Variants in FOXN3 observed in about 807,000 individuals in gnomAD.
FOXN3 encodes the protein forkhead box N3.
A neutral mutation model predicts 38.4 loss-of-function variants in FOXN3; 7 were observed. The observed-to-expected ratio is 0.18, with a 90% CI of 0.10 to 0.34. The LOEUF (loss-of-function observed/expected upper bound fraction) is 0.34. Ranked by LOEUF, FOXN3 falls within the 10% of genes least tolerant of loss-of-function variation. The probability of loss-of-function intolerance (pLI) is 1.00; values close to 1 mark genes in which losing one functional copy is unlikely to be tolerated. For synonymous variants in FOXN3, 230 were observed against 242.2 expected (o/e 0.95, Z 0.47); for missense variants, 456 against 613.4 (o/e 0.74, Z 2.71).
At chr14:89,363,997 A>C (rs1890048296) in intron 2 of FOXN3, among the ~76,000 whole-genome samples, 1 of 134,984 alleles carries the variant, frequency 7.4e-6, no homozygotes, top group African/African-American at 3.0e-5. Flanking sequence ...TAATATATAT[A>C]TATATTCTTC....
intron 1 of FOXN3, among the ~76,000 whole-genome samples, chr14:89,514,585 A>T (rs389960): frequency 6.6e-6 from 1 of 152,136 alleles, no homozygotes; most frequent in Non-Finnish European, 1.5e-5. Context: ...GGTCCAAAGA[A>T]GTTGGTCAAG....
intron 4 of FOXN3, among the ~76,000 whole-genome samples, chr14:89,270,514 T>C (rs1359709529): frequency 6.6e-6 from 1 of 152,258 alleles, no homozygotes; most frequent in East Asian, 1.9e-4. Context: ...TACTATCTAT[T>C]TGACTGACTG....
chr14:89,165,801 A>T (rs1443443777), intron 5 of FOXN3, among the ~76,000 whole-genome samples: 1 of 152,282 alleles, frequency 6.6e-6, no homozygotes, highest in Non-Finnish European at 1.5e-5. Flanking sequence ...TGTAAAATAC[A>T]AAAATAATTC....
At chr14:89,525,993 T>C (rs535235874) in intron 1 of FOXN3, among the ~76,000 whole-genome samples, 3 of 149,950 alleles carry the variant, frequency 2.0e-5, no homozygotes, top group East Asian at 1.9e-4. Flanking sequence ...AAATGGACAA[T>C]AGTTAGAACT....
intron 3 of FOXN3, among the ~76,000 whole-genome samples, chr14:89,325,319 C>A (rs1176061984): frequency 3.8e-4 from 29 of 76,350 alleles, no homozygotes; most frequent in African/African-American, 1.4e-3. Flanking sequence ...ACCACGACCA[C>A]CACCACCACC....
At position 89,411,975 on chromosome 14, in the gene FOXN3, A is replaced by G; in HGVS notation, c.502T>C (p.Leu168=). ...TCCACTTTCTTAAAACACTTATTCA[A>G]TGATAAATTGTGTCTCACTGAGTTT... ...WKNSVRHNLS[L]NKCFKKVDKE... Residue 168 remains leucine (L), a synonymous_variant, in exon 2 of 6, where the codon TTG becomes CTG. Transcript: ENST00000557258. 1 of 1,579,124 alleles carries G rather than the reference A, an allele frequency of 6.3e-7. No homozygotes were observed. Among genetic ancestry groups the G allele is most frequent in the South Asian group, 1.2e-5 (1 of 86,818 alleles).
intron 3 of FOXN3, among the ~76,000 whole-genome samples, chr14:89,329,423 G>A (rs1888172563): frequency 6.6e-6 from 1 of 152,300 alleles, no homozygotes; most frequent in African/African-American, 2.4e-5. Context: ...GCTCCCCAGG[G>A]AACATCTGGC....
chr14:89,481,332 G>A (rs1013629935), intron 1 of FOXN3, among the ~76,000 whole-genome samples: 3 of 152,146 alleles, frequency 2.0e-5, no homozygotes, highest in African/African-American at 7.2e-5. Context: ...GCAGGGGACC[G>A]GACGGGAAGT....
intron 1 of FOXN3, among the ~76,000 whole-genome samples, chr14:89,424,334 G>A (rs1891977926): frequency 6.6e-6 from 1 of 152,154 alleles, no homozygotes; most frequent in Non-Finnish European, 1.5e-5. Flanking sequence ...TTGGCAAAGC[G>A]CTTCACAAAA....
intron 1 of FOXN3, among the ~76,000 whole-genome samples, chr14:89,432,605 A>G (rs1173284862): frequency 6.6e-6 from 1 of 152,110 alleles, no homozygotes; most frequent in African/African-American, 2.4e-5. Context: ...GTGAAATGCA[A>G]ACTTAAAGAT....
At chr14:89,543,169 C>T (rs1475658934) in intron 1 of FOXN3, among the ~76,000 whole-genome samples, 10 of 152,164 alleles carry the variant, frequency 6.6e-5, no homozygotes, top group South Asian at 2.1e-4. Flanking sequence ...AAGGCACAGC[C>T]AACAAGTACA....
At chr14:89,480,983 A>G (rs193096383) in intron 1 of FOXN3, among the ~76,000 whole-genome samples, 67 of 151,832 alleles carry the variant, frequency 4.4e-4, no homozygotes, top group Non-Finnish European at 4.0e-4. Context: ...TTGAACACTG[A>G]TTAGGAAGGC....
intron 3 of FOXN3, among the ~76,000 whole-genome samples, chr14:89,334,522 ATGGCTTGAACC>A (rs900610050): frequency 1.4e-4 from 21 of 151,346 alleles, no homozygotes; most frequent in Admixed American, 4.0e-4. Context: ...GAGCAGGAGA[ATGGCTTGAACC>A]TGGGAGGTGG....
chr14:89,476,492 A>G lies in FOXN3; in HGVS notation c.-14-64002T>C, dbSNP rs113047905. Among the ~76,000 whole-genome samples, 491 of 152,346 alleles carry G rather than the reference A, an allele frequency of 3.2e-3. 2 individuals carry two copies. Among genetic ancestry groups the G allele is most frequent in the African/African-American group, 0.011 (465 of 41,586 alleles). Reference sequence around the variant, plus strand: ...ACTGAGGGAGCTATGAGCTTTGAGCATAGTTGAGTTTGGGCTCAAATGACT... The same window carrying G: ...ACTGAGGGAGCTATGAGCTTTGAGCGTAGTTGAGTTTGGGCTCAAATGACT... On this transcript the variant is annotated intron_variant, in intron 1 of 6. Transcript: ENST00000345097.
chr14:89,190,883 A>C (rs1414096759), intron 4 of FOXN3, among the ~76,000 whole-genome samples: 5 of 152,314 alleles, frequency 3.3e-5, no homozygotes, highest in South Asian at 2.1e-4. Context: ...ATCTAGTGAG[A>C]TACAAACAAG....
chr14:89,228,588 G>C lies in FOXN3; in HGVS notation c.746-47782C>G, dbSNP rs1170440285. Among the ~76,000 whole-genome samples the C allele has an allele frequency of 5.3e-5, 8 of 152,280 alleles. No individual in the cohort carries two copies. In the South Asian group the frequency reaches 1.7e-3, roughly 32 times the overall value. ...TGATAAAAAAGCATAGGTTTGAAGA[G>C]AAGGCAATTTCTTATTTTATTAGGA... On this transcript the variant is annotated intron_variant, in intron 4 of 5. Transcript: ENST00000557258.
At chr14:89,231,038 T>C (rs1293494921) in intron 4 of FOXN3, among the ~76,000 whole-genome samples, 4 of 152,150 alleles carry the variant, frequency 2.6e-5, no homozygotes, top group Non-Finnish European at 4.4e-5. Flanking sequence ...ATCCCACCCA[T>C]CTCACCTGTG....
At chr14:89,278,883 C>T (rs1356013495) in intron 4 of FOXN3, among the ~76,000 whole-genome samples, 2 of 152,132 alleles carry the variant, frequency 1.3e-5, no homozygotes, top group African/African-American at 2.4e-5. Context: ...CTAACCCAAA[C>T]CTTCCCCTGG....
chr14:89,542,296 G>T (rs1475687191), intron 1 of FOXN3, among the ~76,000 whole-genome samples: 1 of 152,136 alleles, frequency 6.6e-6, no homozygotes, highest in Non-Finnish European at 1.5e-5. Flanking sequence ...CAGGATACCT[G>T]GACACTCCCA....
Sources: allele counts gnomAD v4.1 joint callset (sites outside exome capture counted in the v4.1 genomes callset), GRCh38; gene constraint gnomAD v4.1.1; transcripts MANE v1.5; gene names NCBI Gene and HGNC (gene_info 2026-07-23, HGNC 2026-07-21).